Variants in ZNF385D observed in about 807,000 individuals in gnomAD.
The protein encoded by ZNF385D is zinc finger protein 659.
In ZNF385D, 15 loss-of-function variants were observed where a neutral mutation model predicts 35.8. The ratio of observed to expected loss-of-function variants is 0.42; its 90% CI spans 0.28 to 0.64. The LOEUF is 0.64. Ranked by LOEUF, ZNF385D falls within the 30% of genes least tolerant of loss-of-function variation. The pLI, the probability that ZNF385D is intolerant of heterozygous loss-of-function variation, is 0.23. For synonymous variants in ZNF385D, 212 were observed against 186.8 expected (o/e 1.13, Z -1.10); for missense variants, 474 against 494.6 (o/e 0.96, Z 0.39).
At chr3:21,651,123 CA>C (rs34764620) in intron 2 of ZNF385D, among the ~76,000 whole-genome samples, 120,108 of 140,510 alleles carry the variant, frequency 0.85, 51,371 homozygotes, top group South Asian at 0.91. Flanking sequence ...ACTAAAAATA[CA>C]AAAAAAAAAA....
At chr3:21,650,569 T>G (rs1477465330) in intron 2 of ZNF385D, among the ~76,000 whole-genome samples, 1 of 152,182 alleles carries the variant, frequency 6.6e-6, no homozygotes, top group Non-Finnish European at 1.5e-5. Flanking sequence ...TTAAAACAAA[T>G]TTTTAAAAAA....
rs1204998436 is a variant in ZNF385D at position 21,420,095 on chromosome 3, G to A, written c.*1119C>T. 1 of 152,074 alleles carries A rather than the reference G, an allele frequency of 6.6e-6. No individual in the cohort carries two copies. The highest frequency in any genetic ancestry group is 2.4e-5 in the African/African-American group (1 of 41,476). The allele number at this position is 152,074 out of a possible 1,614,324, so 9.4% of individuals were successfully genotyped here. A position where few individuals can be genotyped will look rare whatever the true frequency, so the allele number is the denominator to read the frequency against. On this transcript the variant is annotated 3_prime_UTR_variant, in exon 8 of 8. Transcript: ENST00000281523. ...AATATATATTAATTGTTTATATCATGTCAGCAGGTAATCTAAAAAACAAGA... is the reference window on the plus strand; with the variant it reads ...AATATATATTAATTGTTTATATCATATCAGCAGGTAATCTAAAAAACAAGA...
At chr3:22,110,360 T>A (rs1379439326) in intron 3 of ZNF385D, among the ~76,000 whole-genome samples, 1 of 152,018 alleles carries the variant, frequency 6.6e-6, no homozygotes, top group Admixed American at 6.6e-5. Context: ...GCGGCACTAT[T>A]CACAATAGCA....
chr3:21,588,183 A>G (rs758925434), intron 2 of ZNF385D, among the ~76,000 whole-genome samples: 2 of 152,204 alleles, frequency 1.3e-5, no homozygotes, highest in Admixed American at 6.5e-5. Flanking sequence ...AATCATAATT[A>G]GAAACACAAG....
chr3:21,752,865 A>G (rs1488791695), upstream of ZNF385D, among the ~76,000 whole-genome samples: 2 of 152,192 alleles, frequency 1.3e-5, no homozygotes, highest in African/African-American at 4.8e-5. Flanking sequence ...CAAAAGTACA[A>G]TTAGTAGTTC....
chr3:21,892,591 T>C (rs1698925509), intron 3 of ZNF385D, among the ~76,000 whole-genome samples: 1 of 152,174 alleles, frequency 6.6e-6, no homozygotes, highest in Non-Finnish European at 1.5e-5. Flanking sequence ...TAAGACTTAC[T>C]GGTTTCCTAC....
At chr3:21,883,417 T>C (rs1308823132) in intron 3 of ZNF385D, among the ~76,000 whole-genome samples, 1 of 152,012 alleles carries the variant, frequency 6.6e-6, no homozygotes, top group Non-Finnish European at 1.5e-5. Flanking sequence ...ATCAGTTACA[T>C]ATTCTGGGCC....
chr3:22,088,575 A>G (rs1293312306), intron 3 of ZNF385D, among the ~76,000 whole-genome samples: 1 of 152,188 alleles, frequency 6.6e-6, no homozygotes, highest in East Asian at 1.9e-4. Context: ...ATGGACACCA[A>G]CCAGAAGAGA....
chr3:21,953,087 T>C (rs185165951), intron 3 of ZNF385D, among the ~76,000 whole-genome samples: 37 of 152,116 alleles, frequency 2.4e-4, no homozygotes, highest in African/African-American at 8.7e-4. Context: ...ACCACAATTG[T>C]CAAACCTGAG....
rs1575432248 is a variant in ZNF385D at position 21,670,647 on chromosome 3, G to GCCC, written c.23-5620_23-5619insGGG. On this transcript the variant is annotated intron_variant, in intron 1 of 7. Transcript: ENST00000281523. ...CTGAGAAATAAAAATGAAATCCTAAGGCGCCCCCCCCCCCCCCCCCCCCCC... is the reference window on the plus strand; with the variant it reads ...CTGAGAAATAAAAATGAAATCCTAAGCCCGCGCCCCCCCCCCCCCCCCCCCCCC... Among the ~76,000 whole-genome samples the GCCC allele has an allele frequency of 1.9e-4, 3 of 15,758 alleles. 1 individual carries two copies. The highest frequency in any genetic ancestry group is 4.9e-4 in the African/African-American group (2 of 4,068). 10.3% of individuals were successfully genotyped at this position (15,758 alleles called of 152,430 possible). A position where few individuals can be genotyped will look rare whatever the true frequency, so the allele number is the denominator to read the frequency against.
At chr3:22,237,075 A>T (rs1282930592) in intron 2 of ZNF385D, among the ~76,000 whole-genome samples, 1 of 152,116 alleles carries the variant, frequency 6.6e-6, no homozygotes, top group African/African-American at 2.4e-5. Context: ...GTAACTCTGC[A>T]TTTCCCTTTT....
intron 2 of ZNF385D, among the ~76,000 whole-genome samples, chr3:21,600,715 G>T (rs534092563): frequency 6.6e-6 from 1 of 151,802 alleles, no homozygotes; most frequent in Non-Finnish European, 1.5e-5. Context: ...CAGAGGAAAC[G>T]AGCAGTGCAG....
intron 2 of ZNF385D, among the ~76,000 whole-genome samples, chr3:22,307,756 A>AC (rs1186824593): frequency 2.6e-5 from 4 of 151,830 alleles, no homozygotes; most frequent in East Asian, 3.9e-4. Context: ...TAAAAAAAAA[A>AC]AAAAAACTTT....
chr3:21,724,428 A>T (rs2068667117), intron 1 of ZNF385D, among the ~76,000 whole-genome samples: 1 of 145,568 alleles, frequency 6.9e-6, no homozygotes. Context: ...AGACACACAT[A>T]GGCTCAAAAT....
At chr3:22,206,301 G>A (rs577152090) in intron 2 of ZNF385D, among the ~76,000 whole-genome samples, 1 of 152,026 alleles carries the variant, frequency 6.6e-6, no homozygotes, top group South Asian at 2.1e-4. Flanking sequence ...TAGAGCTAAA[G>A]AGAGAGATAG....
chr3:22,025,199 T>C (rs945950378), intron 3 of ZNF385D, among the ~76,000 whole-genome samples: 4 of 152,148 alleles, frequency 2.6e-5, no homozygotes, highest in African/African-American at 9.7e-5. Flanking sequence ...TCCTCACCCA[T>C]GCTGCCATCA....
chr3:22,008,360 C>CAATTTTTTTTTTT (rs773952386), intron 3 of ZNF385D, among the ~76,000 whole-genome samples: 1 of 131,938 alleles, frequency 7.6e-6, no homozygotes, highest in South Asian at 2.4e-4. Context: ...CCATGATTTT[C>CAATTTTTTTTTTT]TTTTTTTTTT....
intron 3 of ZNF385D, among the ~76,000 whole-genome samples, chr3:22,058,239 T>C (rs1357059381): frequency 6.6e-6 from 1 of 152,252 alleles, no homozygotes; most frequent in East Asian, 1.9e-4. Context: ...AGAATACTTT[T>C]TGCTTCAAAT....
At chr3:22,085,990 C>T (rs1357652404) in intron 3 of ZNF385D, among the ~76,000 whole-genome samples, 18 of 152,142 alleles carry the variant, frequency 1.2e-4, no homozygotes, top group African/African-American at 4.3e-4. Context: ...AGGCCTTCGA[C>T]AAAATTCAAC....
Sources: allele counts gnomAD v4.1 joint callset (sites outside exome capture counted in the v4.1 genomes callset), GRCh38; gene constraint gnomAD v4.1.1; transcripts MANE v1.5; gene names NCBI Gene and HGNC (gene_info 2026-07-23, HGNC 2026-07-21).